Variants in FBXO39 observed in about 807,000 individuals in gnomAD.
FBXO39 encodes the protein F-box only protein 39.
Under a neutral mutation model 36.6 loss-of-function variants are expected in FBXO39, and 22 were observed. The observed-to-expected ratio is 0.60, with a 90% CI of 0.43 to 0.86. The LOEUF (loss-of-function observed/expected upper bound fraction) is 0.86. Among genes scored for constraint, FBXO39 ranks in the 40% least tolerant of loss-of-function variants. The pLI, the probability that FBXO39 is intolerant of heterozygous loss-of-function variation, is 0.00. For missense variants in FBXO39, 536 were observed against 543.9 expected (o/e 0.99, Z 0.14); for synonymous variants, 206 against 205.8 (o/e 1.00, Z -0.01).
intron 2 of FBXO39, among the ~76,000 whole-genome samples, chr17:6,785,076 A>ATT (rs368674897): frequency 0.061 from 9,270 of 151,446 alleles, 914 homozygotes; most frequent in African/African-American, 0.21. Context: ...TAGTCACTAA[A>ATT]ACAGCATGAG....
intron 2 of FBXO39, 134 bp downstream of exon 2, chr17:6,781,025 CA>C: frequency 1.1e-6 from 1 of 949,060 alleles, no homozygotes; most frequent in Non-Finnish European, 1.5e-6. Flanking sequence ...GAAATACCAC[CA>C]ACTAAGCCTC....
chr17:6,785,946 G>C (rs1464218002), intron 2 of FBXO39, among the ~76,000 whole-genome samples: 2 of 152,134 alleles, frequency 1.3e-5, no homozygotes, highest in Non-Finnish European at 2.9e-5. Flanking sequence ...CAGTTTGGAG[G>C]TTCCTCAAAA....
chr17:6,780,740 G>T lies in FBXO39; in HGVS notation c.872G>T (p.Arg291Leu). 5.0e-6 allele frequency: 8 copies of T among 1,614,088 alleles called. No individual in the cohort carries two copies. Among genetic ancestry groups the T allele is most frequent in the Non-Finnish European group, 6.8e-6 (8 of 1,180,024 alleles). ...CTGAAGGTGAACTTCTTCTTTGAAC[G>T]GATCATGAAGTACGAACGCTTGGCC... ...TNLKVNFFFE[R>L]IMKYERLARI... The change falls in exon 2 of 4, where the codon CGG (arginine) becomes CTG (leucine). Residue 291 changes from arginine to leucine, a missense_variant. Coordinates refer to ENST00000321535, the MANE Select transcript of FBXO39 (RefSeq NM_153230.3).
At chr17:6,781,007 A>AT (rs1976503662) in intron 2 of FBXO39, 116 bp downstream of exon 2, 1 of 1,167,128 alleles carries the variant, frequency 8.6e-7, no homozygotes. Context: ...CTCAAATTGA[A>AT]GTTCTAGGAA....
chr17:6,785,243 G>T (rs887819686), intron 2 of FBXO39, among the ~76,000 whole-genome samples: 4 of 152,016 alleles, frequency 2.6e-5, no homozygotes, highest in Admixed American at 6.6e-5. Context: ...ATTGGGAAAA[G>T]GACGATCTCC....
intron 2 of FBXO39, among the ~76,000 whole-genome samples, chr17:6,785,542 C>T (rs1976560479): frequency 2.6e-5 from 4 of 151,938 alleles, no homozygotes. Context: ...AAACAATCAA[C>T]AAAGTGAAGA....
chr17:6,780,156 C>T lies in FBXO39; in HGVS notation c.288C>T (p.Phe96=), dbSNP rs1976487166. Residue 96 remains phenylalanine (F), a synonymous_variant, in exon 2 of 4, where the codon TTC becomes TTT. Coordinates refer to ENST00000321535, the MANE Select transcript of FBXO39 (RefSeq NM_153230.3). ...GRYLEHLEVK[F]MNPYNAVLTK... Reference sequence around the variant, plus strand: ...ATCTGGAGCACCTGGAGGTCAAATTCATGAATCCTTACAATGCTGTCTTGA... The same window carrying T: ...ATCTGGAGCACCTGGAGGTCAAATTTATGAATCCTTACAATGCTGTCTTGA... 1.2e-6 allele frequency: 2 copies of T among 1,614,192 alleles called. No individual in the cohort carries two copies. Among genetic ancestry groups the T allele is most frequent in the Non-Finnish European group, 1.7e-6 (2 of 1,180,026 alleles).
chr17:6,783,972 A>G (rs1976537056), intron 2 of FBXO39, among the ~76,000 whole-genome samples: 2 of 152,124 alleles, frequency 1.3e-5, no homozygotes, highest in Non-Finnish European at 2.9e-5. Context: ...CAAGAAAACT[A>G]TAGGTGAATA....
chr17:6,779,565 T>C (rs4796354), intron 1 of FBXO39, among the ~76,000 whole-genome samples: 105,574 of 152,104 alleles, frequency 0.69, 37,298 homozygotes, highest in African/African-American at 0.84. Flanking sequence ...ACTATGAGTC[T>C]GCCTGAACCT....
intron 2 of FBXO39, among the ~76,000 whole-genome samples, chr17:6,782,374 A>G (rs1278047612): frequency 6.6e-6 from 1 of 152,162 alleles, no homozygotes; most frequent in African/African-American, 2.4e-5. Flanking sequence ...GGAAGAGAAG[A>G]CCGCAAAAAA....
Position 6,780,550 on chromosome 17 carries a change from TC to T in FBXO39, c.685del (p.Leu229Ter). 2 of 1,614,028 alleles carry T rather than the reference TC, an allele frequency of 1.2e-6. No homozygotes were observed. Among genetic ancestry groups the T allele is most frequent in the Non-Finnish European group, 1.7e-6 (2 of 1,180,020 alleles). On this transcript the variant is annotated frameshift_variant, in exon 2 of 4. Transcript: ENST00000321535. LOFTEE classifies it high-confidence loss of function. ...KTMSTFHNLV[S>X]LNLNYNCISD... The stretch of plus-strand genomic sequence containing the variant: ...CATGTCCACATTCCACAATCTTGTG[TC>T]CCTGAACCTCAACTACAACTGTATC...
chr17:6,784,156 C>T (rs1022897873), intron 2 of FBXO39, among the ~76,000 whole-genome samples: 4 of 151,978 alleles, frequency 2.6e-5, no homozygotes, highest in African/African-American at 9.7e-5. Flanking sequence ...GAATGAAGAA[C>T]AAAAAGCATA....
chr17:6,783,948 A>C (rs1006159522), intron 2 of FBXO39, among the ~76,000 whole-genome samples: 20 of 152,172 alleles, frequency 1.3e-4, no homozygotes, highest in Non-Finnish European at 2.8e-4. Context: ...AGCCAGATAA[A>C]GACACATCAA....
At chr17:6,784,621 G>C (rs1199228764) in intron 2 of FBXO39, among the ~76,000 whole-genome samples, 3 of 151,924 alleles carry the variant, frequency 2.0e-5, no homozygotes, top group Non-Finnish European at 4.4e-5. Context: ...TATGCCAACA[G>C]TGAACAATCT....
In FBXO39 at chr17:6,780,772, C is replaced by G; in HGVS notation, c.904C>G (p.Leu302Val). 3.1e-6 allele frequency: 5 copies of G among 1,614,158 alleles called. No individual in the cohort carries two copies. Among genetic ancestry groups the G allele is most frequent in the Non-Finnish European group, 4.2e-6 (5 of 1,180,028 alleles). ...GAAGTACGAACGCTTGGCCCGAATC[C>G]TCTTGCAGGAGATCCCGATCAGGAG... ...IMKYERLARI[L>V]LQEIPIRSIS... The change falls in exon 2 of 4, where the codon CTC becomes GTC. Residue 302 changes from leucine (L) to valine (V), a missense_variant. Transcript: ENST00000321535.
Position 6,780,832 on chromosome 17 carries a change from G to T in FBXO39, c.964G>T (p.Asp322Tyr). The T allele has an allele frequency of 6.2e-7, 1 of 1,613,998 alleles. No homozygotes were observed. Among genetic ancestry groups the T allele is most frequent in the South Asian group, 1.1e-5 (1 of 91,076 alleles). The change falls in exon 2 of 4, where the codon GAC (aspartate) becomes TAC (tyrosine). Residue 322 changes from aspartate (D) to tyrosine (Y), a missense_variant. Asp to Tyr is a radical substitution (Grantham distance 160). Transcript: ENST00000321535. Reference sequence around the variant, plus strand: ...GAGAAGCTGCTATTTCAGTGACCCAGACTGTTCAATGAGACCCACTCTGAT... The same window carrying T: ...GAGAAGCTGCTATTTCAGTGACCCATACTGTTCAATGAGACCCACTCTGAT... ...SLRSCYFSDP[D>Y]CSMRPTLIDL...
chr17:6,787,056 A>G, intron 3 of FBXO39, 100 bp downstream of exon 3: 1 of 1,397,820 alleles, frequency 7.2e-7, no homozygotes, highest in Non-Finnish European at 9.7e-7. Context: ...GTGGGGGACA[A>G]TCATCTGTTC....
At position 6,780,225 on chromosome 17, in the gene FBXO39, G is replaced by A; in HGVS notation, c.357G>A (p.Leu119=). Residue 119 remains leucine, a synonymous_variant, in exon 2 of 4, where the codon CTG becomes CTA. Coordinates refer to ENST00000321535, the MANE Select transcript of FBXO39 (RefSeq NM_153230.3). ...CCATGCGGGGCCTCCTGTCTTGTCT[G>A]AGTAAGAGCAACAACCGTCTGAAAT... The part of the protein sequence containing the change: ...QVTMRGLLSC[L]SKSNNRLKSL... 6.2e-7 allele frequency: 1 copy of A among 1,614,164 alleles called. No individual in the cohort carries two copies. Among genetic ancestry groups the A allele is most frequent in the Non-Finnish European group, 8.5e-7 (1 of 1,180,036 alleles).
chr17:6,783,864 C>A (rs532941123), intron 2 of FBXO39, among the ~76,000 whole-genome samples: 1 of 152,056 alleles, frequency 6.6e-6, no homozygotes, highest in Admixed American at 6.5e-5. Context: ...CCTACTCAAA[C>A]CATTCCAGAA....
Sources: allele counts gnomAD v4.1 joint callset (sites outside exome capture counted in the v4.1 genomes callset), GRCh38; gene constraint gnomAD v4.1.1; transcripts MANE v1.5; gene names NCBI Gene and HGNC (gene_info 2026-07-23, HGNC 2026-07-21).